Variants in SKP1 observed in about 807,000 individuals in gnomAD.
SKP1 encodes S-phase kinase associated protein 1, also known as S-phase kinase-associated protein 1.
SKP1 carries 1 observed loss-of-function variant against 21.5 expected under a neutral mutation model. That is an observed-to-expected ratio of 0.05 (90% confidence interval 0.02 to 0.22). The LOEUF (loss-of-function observed/expected upper bound fraction) is 0.22, where lower values mean the gene tolerates loss of function less well. Among genes scored for constraint, SKP1 ranks in the 10% least tolerant of loss-of-function variants. The pLI is 1.00. For synonymous variants in SKP1, 59 were observed against 59.3 expected (o/e 0.99, Z 0.03); for missense variants, 70 against 192.0 (o/e 0.36, Z 3.76).
At position 134,156,878 on chromosome 5, in the gene SKP1, A is replaced by G. The variant is rs1475204827; in HGVS notation, c.*855T>C. 3 of 152,672 alleles carry G rather than the reference A, an allele frequency of 2.0e-5. No homozygotes were observed. Among genetic ancestry groups the G allele is most frequent in the African/African-American group, 4.8e-5 (2 of 41,466 alleles). The allele number at this position is 152,672 out of a possible 1,614,324, so 9.5% of individuals were successfully genotyped here. A position where few individuals can be genotyped will look rare whatever the true frequency, so the allele number is the denominator to read the frequency against. Reference sequence around the variant, plus strand: ...ACAAAAGCAAACTTAACTACCTACTATATAACTTACTTTTTATTGAAAGTA... The same window carrying G: ...ACAAAAGCAAACTTAACTACCTACTGTATAACTTACTTTTTATTGAAAGTA... On this transcript the variant is annotated 3_prime_UTR_variant, in exon 6 of 6. Coordinates refer to ENST00000353411, the MANE Select transcript of SKP1 (RefSeq NM_170679.3).
At chr5:134,157,974 C>T in intron 5 of SKP1, 1 of 1,516,658 alleles carries the variant, frequency 6.6e-7, no homozygotes, top group Non-Finnish European at 8.8e-7. Context: ...AAATTATGAA[C>T]AAAGCAAAGG....
At chr5:134,175,055 G>A (rs1014368406) in intron 1 of SKP1, 2 of 152,114 alleles carry the variant, frequency 1.3e-5, no homozygotes, top group African/African-American at 4.8e-5. Context: ...AGTTTTCTAG[G>A]TGTGTTGTAT....
rs989262730 is a variant in SKP1 at position 134,173,756 on chromosome 5, G to C, written c.97+170C>G. On this transcript the variant is annotated intron_variant, in intron 2 of 5. Transcript: ENST00000353411. The stretch of plus-strand genomic sequence containing the variant: ...GACCCTCACTAATTCAGACAATGCA[G>C]AAAGGATGACCTGTATCAGAAAAAT... 3 of 692,820 alleles carry C rather than the reference G, an allele frequency of 4.3e-6. No homozygotes were observed. The African/African-American group carries it at 5.3e-5, about 12-fold the overall frequency. 42.9% of individuals were successfully genotyped at this position (692,820 alleles called of 1,614,324 possible).
At chr5:134,159,373 C>T (rs2149373229) in intron 4 of SKP1, among the ~76,000 whole-genome samples, 1 of 151,710 alleles carries the variant, frequency 6.6e-6, no homozygotes, top group East Asian at 1.9e-4. Context: ...TGACCTGAAT[C>T]CTTTTACAAT....
At chr5:134,171,618 T>G (rs939222990) in intron 2 of SKP1, among the ~76,000 whole-genome samples, 2 of 152,230 alleles carry the variant, frequency 1.3e-5, no homozygotes, top group Admixed American at 6.5e-5. Flanking sequence ...CAAACCCATT[T>G]TCAGCTCTAC....
chr5:134,155,713 C>T lies in SKP1; in HGVS notation c.*2020G>A, dbSNP rs1331957478. On this transcript the variant is annotated 3_prime_UTR_variant, in exon 6 of 6. Coordinates refer to ENST00000353411, the MANE Select transcript of SKP1 (RefSeq NM_170679.3). ...AGCTCCAGTTTCTTAGAAGGTGATA[C>T]TTCCTTTACAAGTTAAACATGGCAT... The T allele has an allele frequency of 6.6e-6, 1 of 152,168 alleles. No homozygotes were observed. The highest frequency in any genetic ancestry group is 1.5e-5 in the Non-Finnish European group (1 of 68,034). 9.4% of individuals were successfully genotyped at this position (152,168 alleles called of 1,614,324 possible). A position where few individuals can be genotyped will look rare whatever the true frequency, so the allele number is the denominator to read the frequency against.
chr5:134,152,480 AC>A lies in SKP1; in HGVS notation c.*5252del, dbSNP rs1448132868. 6.6e-6 allele frequency: 1 copy of A among 151,886 alleles called. No homozygotes were observed. Among genetic ancestry groups the A allele is most frequent in the East Asian group, 1.9e-4 (1 of 5,186 alleles). 9.4% of individuals were successfully genotyped at this position (151,886 alleles called of 1,614,324 possible). A position where few individuals can be genotyped will look rare whatever the true frequency, so the allele number is the denominator to read the frequency against. On this transcript the variant is annotated 3_prime_UTR_variant, in exon 6 of 6. Coordinates refer to ENST00000353411, the MANE Select transcript of SKP1 (RefSeq NM_170679.3). ...AACCAAATTAGTTTCACTTTACAAA[AC>A]CTTTCGTAGCACCTTTCAGCTCTGT...
chr5:134,151,338 A>G lies in SKP1; in HGVS notation c.*6395T>C, dbSNP rs1761040223. 1 of 152,728 alleles carries G rather than the reference A, an allele frequency of 6.5e-6. No homozygotes were observed. Among genetic ancestry groups the G allele is most frequent in the Admixed American group, 6.5e-5 (1 of 15,324 alleles). The allele number at this position is 152,728 out of a possible 1,614,324, so 9.5% of individuals were successfully genotyped here. ...AAATAAATAAATAAAAATTTTTACA[A>G]AGCCACTCTGGAAACCCTGCTTGAG... On this transcript the variant is annotated 3_prime_UTR_variant, in exon 6 of 6. Coordinates refer to ENST00000353411, the MANE Select transcript of SKP1 (RefSeq NM_170679.3).
intron 1 of SKP1, chr5:134,175,638 C>T (rs1429198772): frequency 6.6e-6 from 1 of 152,076 alleles, no homozygotes. Context: ...AAGATAAGTG[C>T]TTAGTCATAG....
At chr5:134,157,908 A>C (rs747072611) in intron 5 of SKP1, 140 bp from the exon 6 acceptor site, 13 of 1,572,372 alleles carry the variant, frequency 8.3e-6, no homozygotes, top group Non-Finnish European at 1.1e-5. Flanking sequence ...CCAGGTTAAG[A>C]CTATATTTCC....
In SKP1 at chr5:134,149,379, T is replaced by C. The variant is rs1232601415; in HGVS notation, c.*8354A>G. The stretch of plus-strand genomic sequence containing the variant: ...CTGTCTTCCTGAGACCTATCATGAA[T>C]GTAAAAGGTGTCATGAAGGCACCTC... On this transcript the variant is annotated 3_prime_UTR_variant, in exon 6 of 6. Transcript: ENST00000353411. The C allele has an allele frequency of 2.0e-5, 3 of 152,290 alleles. No homozygotes were observed. Among genetic ancestry groups the C allele is most frequent in the East Asian group, 1.9e-4 (1 of 5,184 alleles). 9.4% of individuals were successfully genotyped at this position (152,290 alleles called of 1,614,324 possible). A position where few individuals can be genotyped will look rare whatever the true frequency, so the allele number is the denominator to read the frequency against.
At chr5:134,176,263 C>A (rs1204028564) in intron 1 of SKP1, among the ~76,000 whole-genome samples, 2 of 152,188 alleles carry the variant, frequency 1.3e-5, no homozygotes, top group Admixed American at 1.3e-4. Flanking sequence ...ATGGAGCAGG[C>A]GGCTATGTGC....
chr5:134,165,314 T>C (rs923940031), intron 3 of SKP1, among the ~76,000 whole-genome samples: 1 of 152,112 alleles, frequency 6.6e-6, no homozygotes, highest in Non-Finnish European at 1.5e-5. Context: ...AAAATGTAAA[T>C]GGCCAGTAAC....
rs1761037657 is a variant in SKP1 at position 134,151,188 on chromosome 5, T to C, written c.*6545A>G. On this transcript the variant is annotated 3_prime_UTR_variant, in exon 6 of 6. Transcript: ENST00000353411. Reference sequence around the variant, plus strand: ...GGGGCTCTGGACCAAGTCTTCCTTTTTCATTCAAGTGTTCTCATTCTTTTA... The same window carrying C: ...GGGGCTCTGGACCAAGTCTTCCTTTCTCATTCAAGTGTTCTCATTCTTTTA... 6.6e-6 allele frequency: 1 copy of C among 152,546 alleles called. No individual in the cohort carries two copies. 9.4% of individuals were successfully genotyped at this position (152,546 alleles called of 1,614,324 possible). A position where few individuals can be genotyped will look rare whatever the true frequency, so the allele number is the denominator to read the frequency against.
chr5:134,151,684 G>C lies in SKP1; in HGVS notation c.*6049C>G, dbSNP rs1490950339. On this transcript the variant is annotated 3_prime_UTR_variant, in exon 6 of 6. Coordinates refer to ENST00000353411, the MANE Select transcript of SKP1 (RefSeq NM_170679.3). ...ATTTAAAGTTGACAGATATCAGAAG[G>C]TCGCAAGAACTACAGATGTGGAAGC... 6.6e-6 allele frequency: 3 copies of C among 456,114 alleles called. No homozygotes were observed. The highest frequency in any genetic ancestry group is 1.3e-5 in the Non-Finnish European group (3 of 226,878). 28.3% of individuals were successfully genotyped at this position (456,114 alleles called of 1,614,324 possible).
rs1184999365 is a variant in SKP1 at position 134,152,204 on chromosome 5, AT to A, written c.*5528del. ...AAAAAATAAATAAATAAAAATTAAAATTAAAAAAATTAGAATTTAGCTCACT... is the reference window on the plus strand; with the variant it reads ...AAAAAATAAATAAATAAAAATTAAAATAAAAAAATTAGAATTTAGCTCACT... On this transcript the variant is annotated 3_prime_UTR_variant, in exon 6 of 6. Coordinates refer to ENST00000353411, the MANE Select transcript of SKP1 (RefSeq NM_170679.3). 1 of 149,632 alleles carries A rather than the reference AT, an allele frequency of 6.7e-6. No individual in the cohort carries two copies. Among genetic ancestry groups the A allele is most frequent in the Non-Finnish European group, 1.5e-5 (1 of 68,012 alleles). The allele number at this position is 149,632 out of a possible 1,614,324, so 9.3% of individuals were successfully genotyped here. A position where few individuals can be genotyped will look rare whatever the true frequency, so the allele number is the denominator to read the frequency against.
intron 1 of SKP1, chr5:134,175,451 C>T (rs1761522179): frequency 6.6e-6 from 1 of 152,150 alleles, no homozygotes; most frequent in South Asian, 2.1e-4. Flanking sequence ...CAAAAGGTAT[C>T]TCCAAAAGAA....
intron 3 of SKP1, among the ~76,000 whole-genome samples, chr5:134,163,585 T>C (rs145574704): frequency 1.3e-5 from 2 of 150,660 alleles, no homozygotes; most frequent in African/African-American, 4.9e-5. Context: ...AGCCCAGGAG[T>C]TCCGGACTAG....
intron 4 of SKP1, among the ~76,000 whole-genome samples, chr5:134,158,933 C>T (rs73791503): frequency 0.011 from 1,618 of 152,284 alleles, 23 homozygotes; most frequent in African/African-American, 0.037. Flanking sequence ...AGAGTTCAAA[C>T]GTAAGCAGTT....
Sources: allele counts gnomAD v4.1 joint callset (sites outside exome capture counted in the v4.1 genomes callset), GRCh38; gene constraint gnomAD v4.1.1; transcripts MANE v1.5; gene names NCBI Gene and HGNC (gene_info 2026-07-23, HGNC 2026-07-21).